The following LYG2 variants were observed in gnomAD, a reference collection of about 807,000 sequenced individuals.
LYG2 encodes the protein lysozyme g2, also known as lysozyme g-like protein 2.
A neutral mutation model predicts 22.4 loss-of-function variants in LYG2; 25 were observed. That is an observed-to-expected ratio of 1.12 (90% CI 0.81 to 1.56). The LOEUF (loss-of-function observed/expected upper bound fraction) is 1.56. Among genes scored for constraint, LYG2 ranks in the 40% most tolerant of loss-of-function variants. The pLI, the probability that LYG2 is intolerant of heterozygous loss-of-function variation, is 0.00. For missense variants in LYG2, 266 were observed against 269.5 expected, an observed-to-expected ratio of 0.99 and a Z score of 0.09; for synonymous variants, 88 against 97.0, an observed-to-expected ratio of 0.91 and a Z score of 0.55.
intron 6 of LYG2, chr2:99,243,572 G>C: frequency 7.5e-7 from 1 of 1,332,812 alleles, no homozygotes; most frequent in Middle Eastern, 2.5e-4. Context: ...GTCTCACTCT[G>C]TCTCCCAGGC....
At chr2:99,252,955 A>G (rs529229242) in intron 3 of LYG2, among the ~76,000 whole-genome samples, 164 of 151,556 alleles carry the variant, frequency 1.1e-3, no homozygotes, top group Non-Finnish European at 2.1e-3. Context: ...GCTGAGGCAG[A>G]AGAATGGTAT....
At chr2:99,242,864 G>A (rs181552208) in intron 6 of LYG2, among the ~76,000 whole-genome samples, 45 of 152,244 alleles carry the variant, frequency 3.0e-4, no homozygotes, top group African/African-American at 1.0e-3. Context: ...ATGTTTTCAA[G>A]CACCTACTAT....
chr2:99,245,803 A>G (rs1421710948), intron 4 of LYG2, among the ~76,000 whole-genome samples: 1 of 152,126 alleles, frequency 6.6e-6, no homozygotes, highest in African/African-American at 2.4e-5. Context: ...CACAACCCCC[A>G]ACAGGTGTCG....
chr2:99,244,005 G>A lies in LYG2; in HGVS notation c.514C>T (p.Leu172Phe). Reference protein sequence around the residue: ...KFPTWSVAQHLKGGLSAFKSG... With the variant: ...KFPTWSVAQHFKGGLSAFKSG... Reference sequence around the variant, plus strand: ...TACTCAGAATACAGCCTACCTTTGAGGTGCTGAGCAACACTCCACGTGGGG... The same window carrying A: ...TACTCAGAATACAGCCTACCTTTGAAGTGCTGAGCAACACTCCACGTGGGG... The change falls in exon 6 of 7, where the codon CTC becomes TTC. Residue 172 changes from leucine (L) to phenylalanine (F), a missense_variant. Physicochemically the swap from Leu to Phe is conservative, Grantham distance 22. Coordinates refer to ENST00000333017, the MANE Select transcript of LYG2 (RefSeq NM_175735.4). 6.2e-7 allele frequency: 1 copy of A among 1,613,978 alleles called. No homozygotes were observed. Among genetic ancestry groups the A allele is most frequent in the Non-Finnish European group, 8.5e-7 (1 of 1,179,984 alleles).
chr2:99,255,776 A>G (rs1483213749), upstream of LYG2, among the ~76,000 whole-genome samples: 1 of 152,180 alleles, frequency 6.6e-6, no homozygotes. Flanking sequence ...CTGCTCTAGG[A>G]GATCAATGCA....
intron 6 of LYG2, chr2:99,243,693 CTTTTTTTTTTTTT>C (rs999579137): frequency 4.5e-5 from 7 of 157,102 alleles, no homozygotes; most frequent in Non-Finnish European, 7.8e-5. Context: ...CCATGCCCAG[CTTTTTTTTTTTTT>C]TTTTTTTTTT....
In LYG2 at chr2:99,245,118, A is replaced by C. The variant is rs1574862162; in HGVS notation, c.381+144T>G. On this transcript the variant is annotated intron_variant, in intron 5 of 6. Coordinates refer to ENST00000333017, the MANE Select transcript of LYG2 (RefSeq NM_175735.4). ...AAGAATGAAACTCCATCTCAAAAAA[A>C]AAAAAAAAATTATGCTGGAGTACCT... is the stretch of plus-strand genomic sequence containing the variant. The C allele has an allele frequency of 6.2e-6, 6 of 960,610 alleles. No individual in the cohort carries two copies. The East Asian group carries it at 1.9e-4, about 30-fold the overall frequency. 59.5% of individuals were successfully genotyped at this position (960,610 alleles called of 1,614,324 possible). A position where few individuals can be genotyped will look rare whatever the true frequency, so the allele number is the denominator to read the frequency against.
At chr2:99,253,159 A>T (rs1458794400) in intron 3 of LYG2, among the ~76,000 whole-genome samples, 1 of 151,812 alleles carries the variant, frequency 6.6e-6, no homozygotes, top group Non-Finnish European at 1.5e-5. Context: ...CAGCATTCCC[A>T]GTTGACTCTT....
At chr2:99,243,797 C>T in intron 6 of LYG2, 1 of 601,410 alleles carries the variant, frequency 1.7e-6, no homozygotes, top group Middle Eastern at 4.7e-4. Flanking sequence ...CAACATTCTG[C>T]AGAAGAGGAA....
chr2:99,252,299 T>A (rs2094027992), intron 3 of LYG2, among the ~76,000 whole-genome samples: 1 of 133,564 alleles, frequency 7.5e-6, no homozygotes, highest in South Asian at 2.8e-4. Context: ...TTGATCCGCC[T>A]GCCTCGGCCT....
At chr2:99,260,339 C>T (rs2094045061), upstream of LYG2, among the ~76,000 whole-genome samples, 1 of 152,108 alleles carries the variant, frequency 6.6e-6, no homozygotes, top group East Asian at 1.9e-4. Flanking sequence ...TTAAAGTGTG[C>T]AATTCAATGG....
intron 2 of LYG2, 23 bp from the exon 3 acceptor site, chr2:99,254,308 C>T (rs1305265677): frequency 3.2e-6 from 5 of 1,577,522 alleles, no homozygotes; most frequent in Non-Finnish European, 3.5e-6. Context: ...GAAATAGAAA[C>T]TGGTTAATTT....
At chr2:99,243,458 A>G in intron 6 of LYG2, 1 of 1,549,944 alleles carries the variant, frequency 6.5e-7, no homozygotes, top group Middle Eastern at 1.7e-4. Context: ...ACAGTTTCTT[A>G]TAACAGGAAA....
intron 3 of LYG2, among the ~76,000 whole-genome samples, chr2:99,248,520 G>A (rs1274545177): frequency 6.7e-6 from 1 of 149,944 alleles, no homozygotes; most frequent in African/African-American, 2.5e-5. Flanking sequence ...ACTCATAGGT[G>A]GGAATTGAAC....
At chr2:99,254,808 G>A (rs1042497765) in intron 2 of LYG2, among the ~76,000 whole-genome samples, 2 of 152,024 alleles carry the variant, frequency 1.3e-5, no homozygotes, top group South Asian at 2.1e-4. Flanking sequence ...TAGCTGGGGC[G>A]ACATATGCGT....
Position 99,254,236 on chromosome 2 carries a change from C to T in LYG2, c.25G>A (p.Gly9Arg). ...GACTTACCAATGAGGGCAATTAGTC[C>T]CCAAAACACCACGGAGGATAACATG... MLSSVVFW[G>R]LIALIGTSRG... The change falls in exon 3 of 7, where the codon GGA (glycine) becomes AGA (arginine). Residue 9 changes from glycine to arginine, a missense_variant. Coordinates refer to ENST00000333017, the MANE Select transcript of LYG2 (RefSeq NM_175735.4). The T allele has an allele frequency of 6.2e-7, 1 of 1,613,992 alleles. No homozygotes were observed. The highest frequency in any genetic ancestry group is 1.1e-5 in the South Asian group (1 of 91,064).
upstream of LYG2, among the ~76,000 whole-genome samples, chr2:99,257,911 G>C (rs1021550752): frequency 6.6e-6 from 1 of 152,216 alleles, no homozygotes; most frequent in African/African-American, 2.4e-5. Context: ...ACTCTGTATA[G>C]CCAGGGAAGT....
chr2:99,249,312 T>C (rs559069022), intron 3 of LYG2, among the ~76,000 whole-genome samples: 1 of 151,804 alleles, frequency 6.6e-6, no homozygotes, highest in African/African-American at 2.4e-5. Context: ...CCCAGTTGCA[T>C]GGGAGACTGA....
chr2:99,256,714 CAGTT>C (rs60684614), upstream of LYG2, among the ~76,000 whole-genome samples: 1,645 of 152,326 alleles, frequency 0.011, 13 homozygotes, highest in South Asian at 0.021. Flanking sequence ...CTTCTGCTCT[CAGTT>C]AGTGGGGCTA....
Sources: gnomAD v4.1 joint callset for allele counts (sites outside exome capture counted in the v4.1 genomes callset) on GRCh38, gnomAD v4.1.1 for gene constraint, MANE v1.5 for transcripts, NCBI Gene and HGNC (gene_info 2026-07-23, HGNC 2026-07-21) for gene names.